CCDC141: variants seen among roughly 807,000 people sequenced by gnomAD.
CCDC141 encodes coiled-coil domain containing 141, also known as coiled-coil domain-containing protein 141.
In CCDC141, 168 loss-of-function variants were observed where a neutral mutation model predicts 181.0. The ratio of observed to expected loss-of-function variants is 0.93; its 90% confidence interval spans 0.82 to 1.05. The LOEUF (loss-of-function observed/expected upper bound fraction) is 1.05. Ranked by LOEUF, CCDC141 falls within the 50% of genes least tolerant of loss-of-function variation. The pLI is 0.00. For missense variants in CCDC141, 1,902 were observed against 1,788.5 expected (o/e 1.06, Z -1.14); for synonymous variants, 666 against 642.3 (o/e 1.04, Z -0.56).
chr2:178,925,997 G>T (rs1245197293), intron 6 of CCDC141, among the ~76,000 whole-genome samples: 1 of 152,046 alleles, frequency 6.6e-6, no homozygotes, highest in Non-Finnish European at 1.5e-5. Flanking sequence ...GTCTGTTTAT[G>T]TTTTATCCAC....
chr2:179,028,010 C>G (rs1272124373), intron 2 of CCDC141, among the ~76,000 whole-genome samples: 3 of 152,178 alleles, frequency 2.0e-5, no homozygotes, highest in African/African-American at 7.2e-5. Flanking sequence ...CTCCTTTCCT[C>G]TCATGGTTTC....
rs79091953 is a variant in CCDC141 at position 178,886,085 on chromosome 2, C to T, written c.1527+667G>A. On this transcript the variant is annotated intron_variant, in intron 10 of 23. Coordinates refer to ENST00000443758, the MANE Select transcript of CCDC141 (RefSeq NM_173648.4). Reference sequence around the variant, plus strand: ...AAAAATGGGTGTGTTTGTGAGTTTCCGGTGGGGACATAGTCCATGAAGGAG... The same window carrying T: ...AAAAATGGGTGTGTTTGTGAGTTTCTGGTGGGGACATAGTCCATGAAGGAG... 4.4e-3 allele frequency among the ~76,000 whole-genome samples: 664 copies of T among 152,114 alleles called. 7 individuals are homozygous for T. Among genetic ancestry groups the T allele is most frequent in the African/African-American group, 0.015 (635 of 41,488 alleles).
intron 5 of CCDC141, among the ~76,000 whole-genome samples, chr2:178,954,285 A>G (rs1267153748): frequency 6.6e-6 from 1 of 152,250 alleles, no homozygotes; most frequent in African/African-American, 2.4e-5. Context: ...TCTGATTTTC[A>G]TTAATGAGGC....
intron 5 of CCDC141, among the ~76,000 whole-genome samples, chr2:178,954,798 T>C (rs1162896834): frequency 6.7e-6 from 1 of 148,750 alleles, no homozygotes; most frequent in Non-Finnish European, 1.5e-5. Flanking sequence ...TCCCTTAAAG[T>C]AAGACAGAAC....
At chr2:178,940,945 A>G (rs1689484762) in intron 6 of CCDC141, among the ~76,000 whole-genome samples, 1 of 152,230 alleles carries the variant, frequency 6.6e-6, no homozygotes, top group Non-Finnish European at 1.5e-5. Flanking sequence ...TGAAAATTAA[A>G]GAAAGTTTTG....
downstream of CCDC141, among the ~76,000 whole-genome samples, chr2:178,828,131 C>T (rs1192405721): frequency 6.6e-6 from 1 of 152,082 alleles, no homozygotes; most frequent in Non-Finnish European, 1.5e-5. Context: ...CTTGACACTA[C>T]TGAACCCGGT....
chr2:179,035,160 C>T (rs996387493), intron 2 of CCDC141, among the ~76,000 whole-genome samples: 1 of 151,918 alleles, frequency 6.6e-6, no homozygotes, highest in African/African-American at 2.4e-5. Flanking sequence ...TATCAGAATG[C>T]AGGTCAAACA....
intron 6 of CCDC141, among the ~76,000 whole-genome samples, chr2:178,924,391 T>C (rs766049854): frequency 6.6e-6 from 1 of 152,180 alleles, no homozygotes; most frequent in Non-Finnish European, 1.5e-5. Context: ...AATTAACTCA[T>C]TGACACAAAA....
intron 2 of CCDC141, among the ~76,000 whole-genome samples, chr2:179,019,819 C>T (rs757953276): frequency 4.6e-5 from 7 of 151,880 alleles, no homozygotes; most frequent in Non-Finnish European, 7.4e-5. Flanking sequence ...CAGACTGGAG[C>T]GCAGTGGCAT....
chr2:178,860,510 G>T (rs151041685), intron 17 of CCDC141, among the ~76,000 whole-genome samples: 8,560 of 134,146 alleles, frequency 0.064, 347 homozygotes, highest in Non-Finnish European at 0.094. Flanking sequence ...TCCAGCCAGG[G>T]CAACAGAGCG....
chr2:179,041,413 T>C (rs1392734187), intron 2 of CCDC141, among the ~76,000 whole-genome samples: 2 of 152,058 alleles, frequency 1.3e-5, no homozygotes, highest in Non-Finnish European at 2.9e-5. Flanking sequence ...TTTTAATGTT[T>C]GTTGGCTGCA....
chr2:178,935,447 C>T (rs1447923562), intron 6 of CCDC141, among the ~76,000 whole-genome samples: 1 of 152,198 alleles, frequency 6.6e-6, no homozygotes, highest in Non-Finnish European at 1.5e-5. Flanking sequence ...CTGCAAAGGA[C>T]ATGATCTCAT....
chr2:178,965,180 T>G (rs1212508828), intron 4 of CCDC141, among the ~76,000 whole-genome samples: 3 of 152,200 alleles, frequency 2.0e-5, no homozygotes, highest in African/African-American at 4.8e-5. Flanking sequence ...CTTTAAAAAA[T>G]ATTCTAAATG....
chr2:178,879,772 A>G (rs778514048), intron 11 of CCDC141, among the ~76,000 whole-genome samples: 2 of 152,234 alleles, frequency 1.3e-5, no homozygotes, highest in Non-Finnish European at 2.9e-5. Context: ...GTCTTGAGAA[A>G]TTGTCCACAG....
chr2:178,868,013 A>G lies in CCDC141; in HGVS notation c.2574+13T>C. ...AGAACTGAGTCTAAATGATAGTGTT[A>G]TTAGATGCTTACAGGCCGCTGCACT... On this transcript the variant is annotated intron_variant, in intron 16 of 23. Transcript: ENST00000443758. The G allele has an allele frequency of 6.3e-7, 1 of 1,597,054 alleles. No homozygotes were observed. The highest frequency in any genetic ancestry group is 8.6e-7 in the Non-Finnish European group (1 of 1,166,522).
At chr2:179,033,664 C>T (rs2043060396) in intron 2 of CCDC141, among the ~76,000 whole-genome samples, 1 of 152,102 alleles carries the variant, frequency 6.6e-6, no homozygotes. Context: ...CTGTCTAAAT[C>T]TCAGACCTAG....
intron 22 of CCDC141, among the ~76,000 whole-genome samples, chr2:178,841,246 T>C (rs1324357861): frequency 6.6e-6 from 1 of 152,226 alleles, no homozygotes; most frequent in African/African-American, 2.4e-5. Flanking sequence ...CTTAACACTC[T>C]TGAGTACAAT....
chr2:178,859,806 T>C (rs77385376), intron 17 of CCDC141, among the ~76,000 whole-genome samples: 3,237 of 152,228 alleles, frequency 0.021, 103 homozygotes, highest in African/African-American at 0.072. Flanking sequence ...CGTAAGCCCC[T>C]TCTCAGGGTT....
chr2:179,023,893 A>G (rs970068983), intron 2 of CCDC141, among the ~76,000 whole-genome samples: 3 of 152,200 alleles, frequency 2.0e-5, no homozygotes, highest in Non-Finnish European at 4.4e-5. Flanking sequence ...GAATGTAAAT[A>G]CTTCATAAAC....
Sources: gnomAD v4.1 joint callset for allele counts (sites outside exome capture counted in the v4.1 genomes callset) on GRCh38, gnomAD v4.1.1 for gene constraint, MANE v1.5 for transcripts, NCBI Gene and HGNC (gene_info 2026-07-23, HGNC 2026-07-21) for gene names.